Variants in STX18 observed in about 807,000 individuals in gnomAD.
STX18 encodes the protein syntaxin 18, also known as syntaxin-18.
Under a neutral mutation model 50.1 loss-of-function variants are expected in STX18, and 40 were observed. The ratio of observed to expected loss-of-function variants is 0.80; its 90% confidence interval spans 0.62 to 1.04. The LOEUF is 1.04. STX18 is among the 50% of genes least tolerant of loss of function. The pLI is 0.00. For missense variants in STX18, 410 were observed against 415.8 expected (o/e 0.99, Z 0.12); for synonymous variants, 158 against 151.8 (o/e 1.04, Z -0.30).
chr4:4,468,010 C>T (rs1044295439), intron 2 of STX18, among the ~76,000 whole-genome samples: 1 of 152,194 alleles, frequency 6.6e-6, no homozygotes, highest in Non-Finnish European at 1.5e-5. Context: ...ACCATCAAGG[C>T]GCTTAACATC....
chr4:4,511,643 C>T (rs962724425), intron 1 of STX18, among the ~76,000 whole-genome samples: 1 of 151,478 alleles, frequency 6.6e-6, no homozygotes, highest in Non-Finnish European at 1.5e-5. Context: ...TATACTAGGG[C>T]AGCTATAAAC....
In STX18 at chr4:4,541,810, C is replaced by G. The variant is rs770244683; in HGVS notation, c.155G>C (p.Arg52Pro). 8.7e-6 allele frequency: 14 copies of G among 1,609,320 alleles called. No individual in the cohort carries two copies. The highest frequency in any genetic ancestry group is 1.3e-5 in the African/African-American group (1 of 74,718). The change falls in exon 1 of 11, where the codon CGG becomes CCG. Residue 52 changes from arginine to proline, a missense_variant. Transcript: ENST00000306200. ...CAACCAGCTCACCACTTCGCGGGCCCGGCTGGAGAAGTCGCCCTTGGGCCG... is the reference window on the plus strand; with the variant it reads ...CAACCAGCTCACCACTTCGCGGGCCGGGCTGGAGAAGTCGCCCTTGGGCCG... ...SPRPKGDFSS[R>P]AREVISHIGK...
intron 7 of STX18, among the ~76,000 whole-genome samples, chr4:4,427,060 C>T (rs571952415): frequency 9.9e-5 from 15 of 152,220 alleles, no homozygotes; most frequent in Non-Finnish European, 1.9e-4. Context: ...TCTTCAAGGA[C>T]ATTTCTCACA....
chr4:4,474,519 G>C (rs1306657721), intron 1 of STX18, among the ~76,000 whole-genome samples: 1 of 152,192 alleles, frequency 6.6e-6, no homozygotes, highest in Non-Finnish European at 1.5e-5. Context: ...TGACTATATG[G>C]TGTTACATGA....
chr4:4,520,102 A>G (rs1730444682), intron 1 of STX18, among the ~76,000 whole-genome samples: 1 of 152,240 alleles, frequency 6.6e-6, no homozygotes, highest in Admixed American at 6.5e-5. Context: ...TTGAAGTGAA[A>G]TAAACATGAA....
At chr4:4,428,404 G>A (rs989020575) in intron 7 of STX18, among the ~76,000 whole-genome samples, 1 of 152,296 alleles carries the variant, frequency 6.6e-6, no homozygotes, top group East Asian at 1.9e-4. Context: ...ATCTCTGGGC[G>A]TCTCTGTCTT....
At chr4:4,470,980 G>C (rs1397098749) in intron 2 of STX18, among the ~76,000 whole-genome samples, 1 of 152,170 alleles carries the variant, frequency 6.6e-6, no homozygotes, top group African/African-American at 2.4e-5. Context: ...GTAGAAACTA[G>C]ACTTAGCCAC....
At chr4:4,469,391 T>C (rs1727795250) in intron 2 of STX18, among the ~76,000 whole-genome samples, 1 of 152,094 alleles carries the variant, frequency 6.6e-6, no homozygotes, top group East Asian at 1.9e-4. Context: ...CTGATTAGAC[T>C]TTCTCCCCAT....
At position 4,457,189 on chromosome 4, in the gene STX18, AC is replaced by A. The variant is rs1366591504; in HGVS notation, c.497+1del. 1 of 1,613,066 alleles carries A rather than the reference AC, an allele frequency of 6.2e-7. No individual in the cohort carries two copies. Among genetic ancestry groups the A allele is most frequent in the Admixed American group, 1.7e-5 (1 of 60,010 alleles). On this transcript the variant is annotated splice_donor_variant, in intron 5 of 10. Transcript: ENST00000306200. LOFTEE classifies it high-confidence loss of function. ...AGAAACACCAATGAAAGCAATACTT[AC>A]AATCTTTTCTTATCCACCACTCTTT...
Position 4,419,770 on chromosome 4 carries a change from T to C in STX18, c.*264A>G, listed in dbSNP as rs1332838114. 2 of 358,132 alleles carry C rather than the reference T, an allele frequency of 5.6e-6. No individual in the cohort carries two copies. The highest frequency in any genetic ancestry group is 1.0e-5 in the Non-Finnish European group (2 of 193,400). The allele number at this position is 358,132 out of a possible 1,614,324, so 22.2% of individuals were successfully genotyped here. ...GAGCAGCTAATCACCCACTCCTGCA[T>C]TCAGTCTGTCTTGCCTGATGAGGGC... On this transcript the variant is annotated 3_prime_UTR_variant, in exon 11 of 11. Coordinates refer to ENST00000306200, the MANE Select transcript of STX18 (RefSeq NM_016930.4).
rs761196378 is a variant in STX18, at chr4:4,434,863, T to TA, written c.614-6dup. 3,343 of 1,485,312 alleles carry TA rather than the reference T, an allele frequency of 2.3e-3. 1 individual carries two copies. The highest frequency in any genetic ancestry group is 3.5e-3 in the Admixed American group (178 of 51,126). 92.0% of individuals were successfully genotyped at this position (1,485,312 alleles called of 1,614,324 possible). Reference sequence around the variant, plus strand: ...GTGTTTCAGCCAAAATTTTTTCTGTTAAAAAAAAAATTGAAAATAGAAGAC... The same window carrying TA: ...GTGTTTCAGCCAAAATTTTTTCTGTTAAAAAAAAAAATTGAAAATAGAAGAC... On this transcript the variant is annotated splice_polypyrimidine_tract_variant and splice_region_variant and intron_variant, in intron 6 of 10. Coordinates refer to ENST00000306200, the MANE Select transcript of STX18 (RefSeq NM_016930.4).
chr4:4,466,819 T>C (rs1427171970), intron 2 of STX18, among the ~76,000 whole-genome samples: 1 of 152,128 alleles, frequency 6.6e-6, no homozygotes, highest in Non-Finnish European at 1.5e-5. Flanking sequence ...TAAATATACA[T>C]AGAGCTGTCT....
chr4:4,503,933 T>TA (rs1729576282), intron 1 of STX18, among the ~76,000 whole-genome samples: 1 of 152,176 alleles, frequency 6.6e-6, no homozygotes, highest in South Asian at 2.1e-4. Flanking sequence ...TATTTAAACT[T>TA]ACGATAAAGA....
At chr4:4,491,412 T>C (rs1229292562) in intron 1 of STX18, among the ~76,000 whole-genome samples, 1 of 152,144 alleles carries the variant, frequency 6.6e-6, no homozygotes. Flanking sequence ...AATACTAACG[T>C]AGGAAAAAGG....
chr4:4,505,589 G>C (rs1729663633), intron 1 of STX18, among the ~76,000 whole-genome samples: 1 of 151,714 alleles, frequency 6.6e-6, no homozygotes, highest in South Asian at 2.1e-4. Flanking sequence ...AGACCAGCCT[G>C]GCCAACACGG....
At chr4:4,535,731 A>C (rs1577412650) in intron 1 of STX18, among the ~76,000 whole-genome samples, 1 of 151,864 alleles carries the variant, frequency 6.6e-6, no homozygotes, top group African/African-American at 2.4e-5. Context: ...TGCATTCTAA[A>C]CCTCCATTGT....
At chr4:4,478,061 G>A (rs1728276152) in intron 1 of STX18, 1 of 152,138 alleles carries the variant, frequency 6.6e-6, no homozygotes, top group Non-Finnish European at 1.5e-5. Flanking sequence ...AATTGGCATT[G>A]ATCACAGATC....
At chr4:4,511,396 A>T (rs1052831503) in intron 1 of STX18, among the ~76,000 whole-genome samples, 8 of 152,260 alleles carry the variant, frequency 5.3e-5, no homozygotes, top group Non-Finnish European at 1.0e-4. Flanking sequence ...TATCATAATC[A>T]TTCCTAAAAA....
At position 4,420,476 on chromosome 4, in the gene STX18, A is replaced by G. The variant is rs963119338; in HGVS notation, c.913-347T>C. On this transcript the variant is annotated intron_variant, in intron 10 of 10. Coordinates refer to ENST00000306200, the MANE Select transcript of STX18 (RefSeq NM_016930.4). The surrounding 1 kb of genome is among the most constrained non-coding windows in gnomAD (Gnocchi z 4.3). The stretch of plus-strand genomic sequence containing the variant: ...CGTGGTGACCCAACCCTGAGGACTG[A>G]GCTTGGGAAACAGTCCCCTCAACAG... 7.7e-6 allele frequency: 3 copies of G among 391,284 alleles called. No individual in the cohort carries two copies. The highest frequency in any genetic ancestry group is 1.4e-5 in the Non-Finnish European group (3 of 213,594). The allele number at this position is 391,284 out of a possible 1,614,324, so 24.2% of individuals were successfully genotyped here.
Sources: allele counts gnomAD v4.1 joint callset (sites outside exome capture counted in the v4.1 genomes callset), GRCh38; gene constraint gnomAD v4.1.1; non-coding constraint Gnocchi (gnomAD v3.1); transcripts MANE v1.5; gene names NCBI Gene and HGNC (gene_info 2026-07-23, HGNC 2026-07-21).